Variants in ZMAT4 observed in about 807,000 individuals in gnomAD.
The protein encoded by ZMAT4 is zinc finger matrin-type 4, also known as zinc finger matrin-type protein 4.
Under a neutral mutation model 28.7 loss-of-function variants are expected in ZMAT4, and 17 were observed. The observed-to-expected ratio is 0.59, with a 90% CI of 0.41 to 0.89. The LOEUF (loss-of-function observed/expected upper bound fraction) is 0.89. ZMAT4 is among the 40% of genes least tolerant of loss of function. The pLI is 0.00. For synonymous variants in ZMAT4, 117 were observed against 109.2 expected (o/e 1.07, Z -0.44); for missense variants, 240 against 283.8 (o/e 0.85, Z 1.11).
chr8:40,877,851 C>T (rs1377710199), intron 1 of ZMAT4, among the ~76,000 whole-genome samples: 3 of 152,118 alleles, frequency 2.0e-5, no homozygotes, highest in Non-Finnish European at 2.9e-5. Flanking sequence ...GAGCTGGCCA[C>T]GGTCATGTCA....
intron 5 of ZMAT4, among the ~76,000 whole-genome samples, chr8:40,659,002 A>G (rs948471153): frequency 1.2e-4 from 18 of 152,148 alleles, no homozygotes; most frequent in Non-Finnish European, 1.2e-4. Context: ...TGATTACTCT[A>G]GCATTAGTAG....
At chr8:40,824,038 G>A (rs191408872) in intron 2 of ZMAT4, among the ~76,000 whole-genome samples, 1 of 152,258 alleles carries the variant, frequency 6.6e-6, no homozygotes, top group East Asian at 1.9e-4. Flanking sequence ...AAATCCTGAG[G>A]AGTATGCAGG....
intron 2 of ZMAT4, among the ~76,000 whole-genome samples, chr8:40,824,526 A>T (rs1274955207): frequency 6.6e-6 from 1 of 152,070 alleles, no homozygotes; most frequent in Non-Finnish European, 1.5e-5. Flanking sequence ...GTTCTTTTGA[A>T]AGCAGAACAT....
At chr8:40,643,581 G>A (rs1223338769) in intron 5 of ZMAT4, among the ~76,000 whole-genome samples, 7 of 151,972 alleles carry the variant, frequency 4.6e-5, no homozygotes, top group Non-Finnish European at 1.0e-4. Context: ...CACAAACTCC[G>A]TCCAGAGGGA....
chr8:40,649,516 C>T (rs534047928), intron 5 of ZMAT4, among the ~76,000 whole-genome samples: 73 of 152,226 alleles, frequency 4.8e-4, no homozygotes, highest in African/African-American at 1.6e-3. Context: ...GACAGATCAA[C>T]GAGACAGAAA....
intron 3 of ZMAT4, among the ~76,000 whole-genome samples, chr8:40,752,393 T>C (rs1812488065): frequency 1.3e-5 from 2 of 152,214 alleles, no homozygotes; most frequent in African/African-American, 2.4e-5. Flanking sequence ...AACAAGAGTT[T>C]GCCCAGTCCC....
At chr8:40,813,269 T>C (rs1815400938) in intron 2 of ZMAT4, among the ~76,000 whole-genome samples, 1 of 152,120 alleles carries the variant, frequency 6.6e-6, no homozygotes, top group African/African-American at 2.4e-5. Flanking sequence ...TAGTTGCCCA[T>C]GAGGGCATAG....
chr8:40,795,038 C>G (rs1329959318), intron 2 of ZMAT4, among the ~76,000 whole-genome samples: 1 of 152,108 alleles, frequency 6.6e-6, no homozygotes, highest in African/African-American at 2.4e-5. Flanking sequence ...CCTCAGAAGT[C>G]CTCTCTGCAC....
intron 3 of ZMAT4, among the ~76,000 whole-genome samples, chr8:40,715,099 C>T (rs925518155): frequency 2.7e-5 from 4 of 147,036 alleles, no homozygotes; most frequent in Admixed American, 6.8e-5. Flanking sequence ...AAGAAGACCT[C>T]GCTATGGAAG....
At chr8:40,549,167 C>T (rs1022477899) in intron 6 of ZMAT4, among the ~76,000 whole-genome samples, 1 of 152,080 alleles carries the variant, frequency 6.6e-6, no homozygotes, top group Non-Finnish European at 1.5e-5. Flanking sequence ...GGAATGGGCC[C>T]TCACCAGACA....
At chr8:40,624,248 T>C (rs148337525) in intron 5 of ZMAT4, among the ~76,000 whole-genome samples, 32 of 152,248 alleles carry the variant, frequency 2.1e-4, no homozygotes, top group Non-Finnish European at 3.7e-4. Context: ...CCCTATAAGA[T>C]GACAAAAAGA....
chr8:40,855,888 G>C (rs566730656), intron 1 of ZMAT4, among the ~76,000 whole-genome samples: 30 of 151,236 alleles, frequency 2.0e-4, no homozygotes, highest in African/African-American at 6.8e-4. Context: ...ATGGGGTCTC[G>C]CTATGTTGCC....
chr8:40,532,981 CAAA>C (rs201472129), intron 6 of ZMAT4, among the ~76,000 whole-genome samples: 3 of 98,626 alleles, frequency 3.0e-5, no homozygotes, highest in South Asian at 3.1e-4. Context: ...GACTCCATGT[CAAA>C]AAAAAAAAAA....
intron 5 of ZMAT4, among the ~76,000 whole-genome samples, chr8:40,653,155 A>T (rs1807758786): frequency 6.6e-6 from 1 of 152,112 alleles, no homozygotes; most frequent in Non-Finnish European, 1.5e-5. Flanking sequence ...TTAAATAACC[A>T]ATAGATCAAG....
intron 5 of ZMAT4, among the ~76,000 whole-genome samples, chr8:40,653,059 T>C (rs555826149): frequency 1.3e-5 from 2 of 152,062 alleles, no homozygotes; most frequent in Admixed American, 6.6e-5. Context: ...AATGTGCACA[T>C]GTACACTAAA....
chr8:40,875,327 C>A (rs547720964), intron 1 of ZMAT4, among the ~76,000 whole-genome samples: 3 of 152,158 alleles, frequency 2.0e-5, no homozygotes, highest in South Asian at 2.1e-4. Context: ...CCAGGACCAA[C>A]CCCCCAGGTG....
intron 6 of ZMAT4, among the ~76,000 whole-genome samples, chr8:40,558,225 A>C (rs1803610059): frequency 6.6e-6 from 1 of 152,176 alleles, no homozygotes; most frequent in Non-Finnish European, 1.5e-5. Flanking sequence ...CAGCACGAAG[A>C]GTCCGAATCC....
chr8:40,595,742 G>T (rs969635365), intron 5 of ZMAT4, among the ~76,000 whole-genome samples: 26 of 152,148 alleles, frequency 1.7e-4, no homozygotes, highest in African/African-American at 6.3e-4. Flanking sequence ...GTTGCTTAGG[G>T]TGAGTCAGTG....
chr8:40,624,542 T>C (rs1806304747), intron 5 of ZMAT4, among the ~76,000 whole-genome samples: 1 of 152,246 alleles, frequency 6.6e-6, no homozygotes, highest in African/African-American at 2.4e-5. Flanking sequence ...TTGTTTGCCT[T>C]GTTGCTCCAG....
Sources: allele counts gnomAD v4.1 joint callset (sites outside exome capture counted in the v4.1 genomes callset), GRCh38; gene constraint gnomAD v4.1.1; transcripts MANE v1.5; gene names NCBI Gene and HGNC (gene_info 2026-07-23, HGNC 2026-07-21).